PCDH15: variants seen among roughly 807,000 people sequenced by gnomAD.
PCDH15 encodes protocadherin related 15, also known as protocadherin-15.
A neutral mutation model predicts 178.5 loss-of-function variants in PCDH15; 129 were observed. That is an observed-to-expected ratio of 0.72 (90% CI 0.63 to 0.84). PCDH15 has a LOEUF of 0.84. Among genes scored for constraint, PCDH15 ranks in the 40% least tolerant of loss-of-function variants. The pLI is 0.00. For missense variants in PCDH15, 2,230 were observed against 2,099.9 expected, an observed-to-expected ratio of 1.06 and a Z score of -1.21; for synonymous variants, 800 against 732.0, an observed-to-expected ratio of 1.09 and a Z score of -1.50.
intron 8 of PCDH15, among the ~76,000 whole-genome samples, chr10:54,280,480 C>G (rs972805460): frequency 6.6e-6 from 1 of 151,608 alleles, no homozygotes; most frequent in Non-Finnish European, 1.5e-5. Flanking sequence ...TATTGTTGGT[C>G]TTCTTTCTTT....
chr10:54,110,867 A>C (rs1564443511), intron 15 of PCDH15, among the ~76,000 whole-genome samples: 1 of 152,232 alleles, frequency 6.6e-6, no homozygotes, highest in Admixed American at 6.5e-5. Flanking sequence ...ACCACGAGAC[A>C]TATAATTGAA....
chr10:54,047,726 A>G (rs2093684702), intron 18 of PCDH15, among the ~76,000 whole-genome samples: 1 of 152,088 alleles, frequency 6.6e-6, no homozygotes, highest in Non-Finnish European at 1.5e-5. Context: ...AGCTGTATTC[A>G]TGTTGCTGCA....
chr10:54,631,334 G>A (rs1038192002), intron 2 of PCDH15, among the ~76,000 whole-genome samples: 2 of 152,080 alleles, frequency 1.3e-5, no homozygotes, highest in Non-Finnish European at 2.9e-5. Flanking sequence ...AGAACAATTA[G>A]CCAATTCAAT....
intron 1 of PCDH15, among the ~76,000 whole-genome samples, chr10:54,718,840 G>A (rs987166002): frequency 1.3e-5 from 2 of 151,658 alleles, no homozygotes; most frequent in African/African-American, 2.4e-5. Context: ...GGCACTACAG[G>A]CATGCACCAC....
At chr10:55,226,616 A>T (rs1464171774) in intron 1 of PCDH15, among the ~76,000 whole-genome samples, 1 of 151,908 alleles carries the variant, frequency 6.6e-6, no homozygotes, top group Non-Finnish European at 1.5e-5. Flanking sequence ...TCCTGACCTC[A>T]GGTGATCCGC....
intron 2 of PCDH15, among the ~76,000 whole-genome samples, chr10:55,425,671 C>A (rs559428137): frequency 4.1e-4 from 61 of 148,312 alleles, no homozygotes; most frequent in African/African-American, 9.6e-4. Context: ...CACACACACA[C>A]AAAAAAAAAC....
At chr10:54,143,661 G>A (rs1420798209) in intron 14 of PCDH15, among the ~76,000 whole-genome samples, 2 of 152,002 alleles carry the variant, frequency 1.3e-5, no homozygotes, top group African/African-American at 4.8e-5. Flanking sequence ...TTTTATCTTT[G>A]GAATATTGCT....
chr10:54,170,211 G>A lies in PCDH15; in HGVS notation c.1590+13233C>T, dbSNP rs571026023. 8.0e-5 allele frequency among the ~76,000 whole-genome samples: 12 copies of A among 150,518 alleles called. No individual in the cohort carries two copies. In the South Asian group the frequency reaches 1.5e-3, roughly 19 times the overall value. On this transcript the variant is annotated intron_variant, in intron 13 of 37. Transcript: ENST00000644397. ...CAGCATAATTCTCATAAAAACACAC[G>A]TGCTCTCCCTGCCAATCGTGTCCGA...
At chr10:55,281,655 T>C (rs2132257930) in intron 1 of PCDH15, among the ~76,000 whole-genome samples, 1 of 152,284 alleles carries the variant, frequency 6.6e-6, no homozygotes, top group Middle Eastern at 3.4e-3. Context: ...CGCACATGTG[T>C]CTCCGCACCA....
At chr10:53,986,487 T>C (rs1564934227) in intron 21 of PCDH15, among the ~76,000 whole-genome samples, 5 of 152,182 alleles carry the variant, frequency 3.3e-5, no homozygotes, top group Admixed American at 1.3e-4. Flanking sequence ...ATTCAAAATA[T>C]TTGAAATCAG....
intron 3 of PCDH15, among the ~76,000 whole-genome samples, chr10:54,857,391 C>T (rs1209518729): frequency 2.0e-5 from 3 of 152,100 alleles, no homozygotes; most frequent in Non-Finnish European, 2.9e-5. Flanking sequence ...ATATAAAATA[C>T]TTAAATCTTA....
intron 2 of PCDH15, among the ~76,000 whole-genome samples, chr10:54,555,182 G>A (rs2087044420): frequency 6.6e-6 from 1 of 152,254 alleles, no homozygotes; most frequent in African/African-American, 2.4e-5. Flanking sequence ...TTCAGGCACA[G>A]TAATATAGTT....
chr10:55,085,144 A>G (rs1368835467), intron 2 of PCDH15, among the ~76,000 whole-genome samples: 1 of 151,990 alleles, frequency 6.6e-6, no homozygotes, highest in East Asian at 1.9e-4. Context: ...ATTGCAGCAC[A>G]ATTCACAATA....
At chr10:54,686,465 G>A (rs1248627034) in intron 1 of PCDH15, among the ~76,000 whole-genome samples, 3 of 152,026 alleles carry the variant, frequency 2.0e-5, no homozygotes, top group Non-Finnish European at 4.4e-5. Context: ...TGCTTTTGGT[G>A]TCATATCCAT....
chr10:55,188,757 T>C (rs1227016694), intron 1 of PCDH15, among the ~76,000 whole-genome samples: 1 of 151,884 alleles, frequency 6.6e-6, no homozygotes, highest in Admixed American at 6.6e-5. Flanking sequence ...TATTTTATCT[T>C]ATTTTTACAT....
At chr10:55,219,285 A>G (rs1231082172) in intron 1 of PCDH15, among the ~76,000 whole-genome samples, 1 of 151,862 alleles carries the variant, frequency 6.6e-6, no homozygotes, top group Non-Finnish European at 1.5e-5. Context: ...ATGTATGCCT[A>G]TTTTTCTAGT....
rs2089566169 is a variant in PCDH15 at position 53,970,533 on chromosome 10, G to C, written c.2869-8641C>G. On this transcript the variant is annotated intron_variant, in intron 21 of 37. Coordinates refer to ENST00000644397, the MANE Select transcript of PCDH15 (RefSeq NM_001384140.1). ...TTTTAAAAAATCAACTAAATTGATA[G>C]ACTGCTAGCAAGGCTAATAAAGAAG... Among the ~76,000 whole-genome samples, 3 of 151,854 alleles carry C rather than the reference G, an allele frequency of 2.0e-5. No homozygotes were observed. In the South Asian group the frequency reaches 6.2e-4, roughly 32 times the overall value.
At chr10:54,945,988 G>A (rs182048583) in intron 2 of PCDH15, among the ~76,000 whole-genome samples, 1 of 151,922 alleles carries the variant, frequency 6.6e-6, no homozygotes, top group Admixed American at 6.6e-5. Flanking sequence ...ATTGACAGTA[G>A]AATGTCAGTT....
chr10:54,257,604 G>A (rs770847390), intron 8 of PCDH15, among the ~76,000 whole-genome samples: 3 of 151,976 alleles, frequency 2.0e-5, no homozygotes, highest in Non-Finnish European at 2.9e-5. Flanking sequence ...CTGTGAGTAC[G>A]TGTATGATAT....
Sources: allele counts gnomAD v4.1 joint callset (sites outside exome capture counted in the v4.1 genomes callset), GRCh38; gene constraint gnomAD v4.1.1; transcripts MANE v1.5; gene names NCBI Gene and HGNC (gene_info 2026-07-23, HGNC 2026-07-21).